Variants in PDCD6 observed in about 807,000 individuals in gnomAD.
PDCD6 encodes the protein programmed cell death 6, also known as programmed cell death protein 6.
PDCD6 carries 12 observed loss-of-function variants against 28.3 expected under a neutral mutation model. That is an observed-to-expected ratio of 0.42 (90% CI 0.27 to 0.69). The LOEUF (loss-of-function observed/expected upper bound fraction) is 0.69, where lower values mean the gene tolerates loss of function less well. Among genes scored for constraint, PDCD6 ranks in the 30% least tolerant of loss-of-function variants. PDCD6 has a pLI of 0.22. For missense variants in PDCD6, 226 were observed against 269.9 expected, an observed-to-expected ratio of 0.84 and a Z score of 1.14; for synonymous variants, 92 against 108.0, an observed-to-expected ratio of 0.85 and a Z score of 0.92.
At chr5:280,651 T>C (rs1327308063) in intron 2 of PDCD6, among the ~76,000 whole-genome samples, 1 of 144,072 alleles carries the variant, frequency 6.9e-6, no homozygotes, top group Non-Finnish European at 1.5e-5. Flanking sequence ...CACTGTAGGC[T>C]GTGGATGGGA....
At chr5:312,718 G>A (rs546674436) in intron 5 of PDCD6, among the ~76,000 whole-genome samples, 1 of 152,308 alleles carries the variant, frequency 6.6e-6, no homozygotes, top group Middle Eastern at 3.4e-3. Context: ...GCTGAGGCAG[G>A]AGAATCACTT....
intron 2 of PDCD6, among the ~76,000 whole-genome samples, chr5:282,415 A>C (rs1738634228): frequency 6.8e-6 from 1 of 148,068 alleles, no homozygotes; most frequent in African/African-American, 2.5e-5. Flanking sequence ...TGCCAGCTGC[A>C]AACCCGGAGA....
chr5:302,954 G>GC (rs1422170006), intron 2 of PDCD6, among the ~76,000 whole-genome samples: 2 of 152,254 alleles, frequency 1.3e-5, no homozygotes, highest in East Asian at 3.8e-4. Context: ...CATAACTGCT[G>GC]GAGGGCGGGA....
At chr5:290,821 A>G (rs1739269367) in intron 2 of PDCD6, among the ~76,000 whole-genome samples, 1 of 152,234 alleles carries the variant, frequency 6.6e-6, no homozygotes, top group Non-Finnish European at 1.5e-5. Context: ...AGGGGAGACC[A>G]GGCCCTTGAT....
chr5:295,392 G>C (rs905618191), intron 2 of PDCD6, among the ~76,000 whole-genome samples: 1 of 151,908 alleles, frequency 6.6e-6, no homozygotes, highest in Non-Finnish European at 1.5e-5. Flanking sequence ...AAAAGCGGCA[G>C]GGTGGAAATA....
At chr5:276,495 C>G in intron 2 of PDCD6, 2 of 978,916 alleles carry the variant, frequency 2.0e-6, no homozygotes, top group Non-Finnish European at 2.4e-6. Context: ...GAGATGGAGT[C>G]TCACTGTCTT....
At chr5:272,542 TC>T (rs1737898074) in intron 1 of PDCD6, among the ~76,000 whole-genome samples, 168 bp from the exon 2 acceptor site, 1 of 143,958 alleles carries the variant, frequency 6.9e-6, no homozygotes, top group Non-Finnish European at 1.5e-5. Context: ...ACACTGGACG[TC>T]GGCTCCTGGG....
At position 307,944 on chromosome 5, in the gene PDCD6, T is replaced by C. The variant is rs1175938516; in HGVS notation, c.367+1184T>C. On this transcript the variant is annotated intron_variant, in intron 4 of 5. Coordinates refer to ENST00000264933, the MANE Select transcript of PDCD6 (RefSeq NM_013232.4). The surrounding 1 kb of genome is among the most constrained non-coding windows in gnomAD (Gnocchi z 6.1). ...ACCAGCTGCGAGCCAGGATTTGGGC[T>C]GGATGGCTCTGAATTGGTACTTGGA... 6.6e-6 allele frequency among the ~76,000 whole-genome samples: 1 copy of C among 152,174 alleles called. No homozygotes were observed. Among genetic ancestry groups the C allele is most frequent in the Non-Finnish European group, 1.5e-5 (1 of 68,026 alleles).
At chr5:296,207 G>A (rs575503039) in intron 2 of PDCD6, among the ~76,000 whole-genome samples, 1 of 152,286 alleles carries the variant, frequency 6.6e-6, no homozygotes, top group East Asian at 1.9e-4. Context: ...GGGACAATCA[G>A]GCCAGTTCAA....
Position 307,234 on chromosome 5 carries a change from GTGTGCTCGGCGTGT to G in PDCD6, c.367+475_367+488del. Among the ~76,000 whole-genome samples the G allele has an allele frequency of 8.9e-6, 1 of 112,142 alleles. No individual in the cohort carries two copies. The highest frequency in any genetic ancestry group is 5.5e-5 in the African/African-American group (1 of 18,144). The allele number at this position is 112,142 out of a possible 152,430, so 73.6% of individuals were successfully genotyped here. ...CCATTCTCAGGTGTGCTCGGCGTGT[GTGTGCTCGGCGTGT>G]GTGTGCTCGGCGTGTGTGTGCACAC... On this transcript the variant is annotated intron_variant, in intron 4 of 5. Transcript: ENST00000264933. The surrounding 1 kb of genome is among the most constrained non-coding windows in gnomAD (Gnocchi z 6.1).
At chr5:273,572 ATGT>A (rs927693277) in intron 2 of PDCD6, among the ~76,000 whole-genome samples, 36 of 152,128 alleles carry the variant, frequency 2.4e-4, no homozygotes, top group African/African-American at 8.5e-4. Flanking sequence ...CAGTTTTGAG[ATGT>A]TGTGAAAATG....
At position 288,307 on chromosome 5, in the gene PDCD6, T is replaced by C. The variant is rs879127096; in HGVS notation, c.163+15535T>C. On this transcript the variant is annotated intron_variant, in intron 2 of 5. Coordinates refer to ENST00000264933, the MANE Select transcript of PDCD6 (RefSeq NM_013232.4). ...AATATATATATTATATATATATATA[T>C]ATATACACATATGTATATATAACTT... Among the ~76,000 whole-genome samples the C allele has an allele frequency of 2.0e-3, 233 of 116,046 alleles. 6 individuals carry two copies. The South Asian group carries it at 0.059, about 30-fold the overall frequency. 76.1% of individuals were successfully genotyped at this position (116,046 alleles called of 152,430 possible).
chr5:289,457 G>A (rs1739186406), intron 2 of PDCD6: 7 of 699,980 alleles, frequency 1.0e-5, no homozygotes, highest in Admixed American at 9.1e-5. Flanking sequence ...CGGGTACAAC[G>A]GCTTTCTTTG....
intron 2 of PDCD6, among the ~76,000 whole-genome samples, chr5:287,472 CAG>C (rs1012490519): frequency 4.0e-5 from 6 of 151,794 alleles, no homozygotes; most frequent in Non-Finnish European, 7.4e-5. Context: ...TCTAATGAGA[CAG>C]AAAGACCCTG....
At chr5:299,636 A>G (rs199899260) in intron 2 of PDCD6, among the ~76,000 whole-genome samples, 116 of 149,422 alleles carry the variant, frequency 7.8e-4, no homozygotes, top group East Asian at 2.4e-3. Flanking sequence ...TGCAAGCTCC[A>G]CCTCCCGGGT....
chr5:299,137 C>T (rs571086880), intron 2 of PDCD6, among the ~76,000 whole-genome samples: 1 of 6,790 alleles, frequency 1.5e-4, no homozygotes. Flanking sequence ...GCTGCTCTCA[C>T]CCAGCTGCTC....
chr5:314,745 C>A lies in PDCD6; in HGVS notation c.*230C>A. The A allele has an allele frequency of 1.6e-6, 1 of 621,076 alleles. No individual in the cohort carries two copies. The highest frequency in any genetic ancestry group is 3.0e-6 in the Non-Finnish European group (1 of 336,428). 38.5% of individuals were successfully genotyped at this position (621,076 alleles called of 1,614,324 possible). A position where few individuals can be genotyped will look rare whatever the true frequency, so the allele number is the denominator to read the frequency against. ...TGGATTTGGTGACTGTCTCATTGTG[C>A]CATGAGGTAAATGTAATGTTTCAGG... On this transcript the variant is annotated 3_prime_UTR_variant, in exon 6 of 6. Coordinates refer to ENST00000264933, the MANE Select transcript of PDCD6 (RefSeq NM_013232.4).
chr5:295,207 C>G (rs1739533444), intron 2 of PDCD6, among the ~76,000 whole-genome samples: 1 of 136,500 alleles, frequency 7.3e-6, no homozygotes, highest in Admixed American at 7.0e-5. Context: ...AAAAAAAACT[C>G]TTAAAATAAA....
intron 2 of PDCD6, among the ~76,000 whole-genome samples, chr5:279,793 A>C (rs1227917346): frequency 1.4e-5 from 2 of 147,382 alleles, no homozygotes; most frequent in African/African-American, 5.3e-5. Context: ...CAAAAAAAAA[A>C]AAAAAAAAAA....
Sources: gnomAD v4.1 joint callset for allele counts (sites outside exome capture counted in the v4.1 genomes callset) on GRCh38, gnomAD v4.1.1 for gene constraint, Gnocchi (gnomAD v3.1) non-coding constraint, MANE v1.5 for transcripts, NCBI Gene and HGNC (gene_info 2026-07-23, HGNC 2026-07-21) for gene names.